PRKCQ: variants seen among roughly 807,000 people sequenced by gnomAD.
The protein encoded by PRKCQ is protein kinase C theta type.
A neutral mutation model predicts 91.2 loss-of-function variants in PRKCQ; 41 were observed. The ratio of observed to expected loss-of-function variants is 0.45; its 90% CI spans 0.35 to 0.58. The LOEUF is 0.58. Ranked by LOEUF, PRKCQ falls within the 20% of genes least tolerant of loss-of-function variation. The probability of loss-of-function intolerance (pLI) is 0.00; values close to 1 mark genes in which losing one functional copy is unlikely to be tolerated. For synonymous variants in PRKCQ, 307 were observed against 316.9 expected (o/e 0.97, Z 0.33); for missense variants, 673 against 896.5 (o/e 0.75, Z 3.18).
the PRKCQ span, among the ~76,000 whole-genome samples, chr10:6,404,812 TTTCA>T: frequency 1.4e-5 from 2 of 146,060 alleles, no homozygotes; most frequent in South Asian, 2.3e-4. Flanking sequence ...TCTCTCTCTC[TTTCA>T]TTCTTTCTTT....
Position 6,465,684 on chromosome 10 carries a change from A to G in PRKCQ, c.1354-1280T>C, listed in dbSNP as rs371812011. Among the ~76,000 whole-genome samples, 16 of 152,368 alleles carry G rather than the reference A, an allele frequency of 1.1e-4. No homozygotes were observed. In the East Asian group the frequency reaches 2.7e-3, roughly 26 times the overall value. On this transcript the variant is annotated intron_variant, in intron 12 of 17. Transcript: ENST00000263125. The surrounding 1 kb of genome is among the most constrained non-coding windows in gnomAD (Gnocchi z 4.4). ...ACCGAGGCCGTGGGGCATAGGAGGT[A>G]ATAGTAGAAACATTGTTCTGGTCTG... is the stretch of plus-strand genomic sequence containing the variant.
At position 6,443,688 on chromosome 10, in the gene PRKCQ, ATGTGG is replaced by A. The variant is rs571918671; in HGVS notation, c.1648-1612_1648-1608del. Reference sequence around the variant, plus strand: ...AGGGATAGGGAAGGCGTTGAAGAAAATGTGGTACCTCCACACAGAGGAATATTATT... The same window carrying A: ...AGGGATAGGGAAGGCGTTGAAGAAAATACCTCCACACAGAGGAATATTATT... On this transcript the variant is annotated intron_variant, in intron 15 of 17. Transcript: ENST00000263125. 3.9e-5 allele frequency among the ~76,000 whole-genome samples: 6 copies of A among 152,308 alleles called. No homozygotes were observed. The East Asian group carries it at 1.2e-3, about 29-fold the overall frequency.
At chr10:6,411,754 T>C in the PRKCQ span, among the ~76,000 whole-genome samples, 2 of 152,198 alleles carry the variant, frequency 1.3e-5, no homozygotes, top group South Asian at 4.1e-4. Flanking sequence ...CCCTGGTACA[T>C]AGTTTACATT....
intron 2 of PRKCQ, chr10:6,512,261 C>T (rs1838514874): frequency 1.3e-5 from 2 of 152,174 alleles, no homozygotes; most frequent in Non-Finnish European, 2.9e-5. Flanking sequence ...TTACATGTAC[C>T]ATGCACCCTC....
intron 1 of PRKCQ, among the ~76,000 whole-genome samples, chr10:6,552,409 T>G (rs1840222246): frequency 1.3e-5 from 2 of 151,892 alleles, no homozygotes; most frequent in Admixed American, 6.6e-5. Flanking sequence ...GCGTGCAGTC[T>G]CCATTCATTC....
chr10:6,543,898 C>T (rs768600232), intron 1 of PRKCQ, among the ~76,000 whole-genome samples: 8 of 152,106 alleles, frequency 5.3e-5, no homozygotes, highest in Non-Finnish European at 1.0e-4. Flanking sequence ...TTGTCAGGAC[C>T]GAAAGAGCAG....
At chr10:6,481,087 C>T (rs1836573053) in intron 11 of PRKCQ, among the ~76,000 whole-genome samples, 1 of 152,188 alleles carries the variant, frequency 6.6e-6, no homozygotes, top group Admixed American at 6.5e-5. Flanking sequence ...GCTTTGATAT[C>T]TCCCCCTCCT....
chr10:6,431,785 C>T (rs1218527658), intron 16 of PRKCQ, among the ~76,000 whole-genome samples: 1 of 152,206 alleles, frequency 6.6e-6, no homozygotes, highest in African/African-American at 2.4e-5. Context: ...AAGAGAATTA[C>T]CCTCAGCTCC....
intron 16 of PRKCQ, among the ~76,000 whole-genome samples, chr10:6,441,232 A>G (rs1466315925): frequency 6.6e-6 from 1 of 152,120 alleles, no homozygotes; most frequent in Non-Finnish European, 1.5e-5. Flanking sequence ...CCCTCTATAT[A>G]ACATAAATGC....
chr10:6,577,649 A>G (rs1841294404), intron 1 of PRKCQ, among the ~76,000 whole-genome samples: 1 of 152,216 alleles, frequency 6.6e-6, no homozygotes, highest in Admixed American at 6.5e-5. Flanking sequence ...GAAAAAAATT[A>G]AAGACTGAAC....
chr10:6,539,195 C>T (rs1348408940), intron 1 of PRKCQ, among the ~76,000 whole-genome samples: 4 of 152,264 alleles, frequency 2.6e-5, no homozygotes, highest in Admixed American at 6.5e-5. Flanking sequence ...TATATTTTCA[C>T]GACTCATCAG....
At chr10:6,456,874 C>T in intron 14 of PRKCQ, 62 bp from the exon 15 acceptor site, 2 of 1,564,900 alleles carry the variant, frequency 1.3e-6, no homozygotes, top group Non-Finnish European at 1.7e-6. Flanking sequence ...ACATAAAATT[C>T]CATAGGAGGC....
intron 2 of PRKCQ, among the ~76,000 whole-genome samples, chr10:6,512,497 C>G (rs932539611): frequency 6.6e-6 from 1 of 152,230 alleles, no homozygotes; most frequent in Non-Finnish European, 1.5e-5. Context: ...TCTTGTCTTT[C>G]ACGCACATTG....
At chr10:6,505,779 G>A (rs1838175609) in intron 4 of PRKCQ, among the ~76,000 whole-genome samples, 1 of 152,046 alleles carries the variant, frequency 6.6e-6, no homozygotes, top group Admixed American at 6.5e-5. Context: ...ACAAGTAGCT[G>A]GGACTACAGG....
chr10:6,466,302 C>T (rs1461733839), intron 12 of PRKCQ, among the ~76,000 whole-genome samples: 2 of 152,210 alleles, frequency 1.3e-5, no homozygotes. Context: ...ATTCCACACA[C>T]CTTCCCACCT....
chr10:6,521,278 C>T (rs929132095), intron 1 of PRKCQ, among the ~76,000 whole-genome samples: 3 of 152,220 alleles, frequency 2.0e-5, no homozygotes, highest in Admixed American at 2.0e-4. Flanking sequence ...AACATTTTAC[C>T]AAATCTCTTC....
chr10:6,396,537 A>G, the PRKCQ span, among the ~76,000 whole-genome samples: 1 of 152,218 alleles, frequency 6.6e-6, no homozygotes, highest in South Asian at 2.1e-4. Context: ...CATATACTAC[A>G]TGGTCTTTTG....
rs535166044 is a variant in PRKCQ at position 6,439,044 on chromosome 10, C to T, written c.1836+2849G>A. Reference sequence around the variant, plus strand: ...ATTCATTTCATTCTACAACTTGCTACGCCCATACACTGTGGAGAATATTTC... The same window carrying T: ...ATTCATTTCATTCTACAACTTGCTATGCCCATACACTGTGGAGAATATTTC... On this transcript the variant is annotated intron_variant, in intron 16 of 17. Coordinates refer to ENST00000263125, the MANE Select transcript of PRKCQ (RefSeq NM_006257.5). 1.3e-4 allele frequency among the ~76,000 whole-genome samples: 20 copies of T among 152,352 alleles called. 1 individual carries two copies. The South Asian group carries it at 3.3e-3, about 25-fold the overall frequency.
rs180810084 is a variant in PRKCQ, at chr10:6,575,496, G to C, written c.-10+4715C>G. On this transcript the variant is annotated intron_variant, in intron 1 of 17. Transcript: ENST00000263125. ...GGAGGTGGAGATAACCCTACCTACC[G>C]GGACATTCTGTTTATGTTTTAGGGA... Among the ~76,000 whole-genome samples the C allele has an allele frequency of 4.6e-3, 703 of 152,160 alleles. 28 individuals are homozygous for C. Among genetic ancestry groups the C allele is most frequent in the Admixed American group, 0.042 (648 of 15,278 alleles).
Sources: gnomAD v4.1 joint callset for allele counts (sites outside exome capture counted in the v4.1 genomes callset) on GRCh38, gnomAD v4.1.1 for gene constraint, Gnocchi (gnomAD v3.1) non-coding constraint, MANE v1.5 for transcripts, NCBI Gene and HGNC (gene_info 2026-07-23, HGNC 2026-07-21) for gene names.